Variants in CSMD1 observed in about 807,000 individuals in gnomAD.
The protein encoded by CSMD1 is CUB and Sushi multiple domains 1, also known as CUB and sushi domain-containing protein 1.
In CSMD1, 213 loss-of-function variants were observed where a neutral mutation model predicts 417.5. The ratio of observed to expected loss-of-function variants is 0.51; its 90% CI spans 0.46 to 0.57. The LOEUF is 0.57. Among genes scored for constraint, CSMD1 ranks in the 20% least tolerant of loss-of-function variants. The pLI is 0.00. For synonymous variants in CSMD1, 2,862 were observed against 1,736.8 expected (o/e 1.65, Z -16.11); for missense variants, 6,923 against 4,529.7 (o/e 1.53, Z -15.17).
chr8:3,626,517 T>A (rs888606882), intron 7 of CSMD1, among the ~76,000 whole-genome samples: 2 of 152,008 alleles, frequency 1.3e-5, no homozygotes, highest in East Asian at 3.8e-4. Context: ...TAGTTAAACA[T>A]AATGTATTTA....
At chr8:4,677,485 AT>A (rs1205491572) in intron 1 of CSMD1, among the ~76,000 whole-genome samples, 2 of 152,148 alleles carry the variant, frequency 1.3e-5, no homozygotes, top group African/African-American at 4.8e-5. Context: ...TTCTCTAATC[AT>A]TTTTATATGT....
At chr8:3,531,327 A>G (rs541497019) in intron 10 of CSMD1, among the ~76,000 whole-genome samples, 76 of 152,314 alleles carry the variant, frequency 5.0e-4, no homozygotes, top group African/African-American at 1.8e-3. Flanking sequence ...ACCTTTAACT[A>G]AAATCTTTTT....
chr8:4,517,614 C>T (rs192788026), intron 2 of CSMD1, among the ~76,000 whole-genome samples: 87 of 152,236 alleles, frequency 5.7e-4, no homozygotes, highest in South Asian at 2.1e-4. Context: ...TTAACATGCA[C>T]GAGCCTTTAA....
intron 12 of CSMD1, among the ~76,000 whole-genome samples, chr8:3,434,239 T>C (rs192388344): frequency 1.3e-3 from 201 of 152,332 alleles, no homozygotes; most frequent in Non-Finnish European, 2.5e-3. Flanking sequence ...CTCTGTAAGG[T>C]ACGACTAAAT....
chr8:2,989,808 G>C (rs1179234405), intron 54 of CSMD1, among the ~76,000 whole-genome samples: 1 of 152,190 alleles, frequency 6.6e-6, no homozygotes, highest in East Asian at 1.9e-4. Context: ...CTCTCATTCT[G>C]CAAGAACAAG....
At chr8:3,579,078 G>A (rs1004590237) in intron 9 of CSMD1, among the ~76,000 whole-genome samples, 50 of 152,170 alleles carry the variant, frequency 3.3e-4, no homozygotes, top group Non-Finnish European at 5.3e-4. Context: ...ACGACCTAAT[G>A]TACACCTGAT....
At chr8:3,384,975 T>G (rs1303251852) in intron 18 of CSMD1, among the ~76,000 whole-genome samples, 1 of 119,634 alleles carries the variant, frequency 8.4e-6, no homozygotes, top group Non-Finnish European at 1.6e-5. Flanking sequence ...TATATGCATA[T>G]ATAGCATATA....
intron 6 of CSMD1, among the ~76,000 whole-genome samples, chr8:3,741,548 C>A (rs905246016): frequency 6.6e-6 from 1 of 152,162 alleles, no homozygotes; most frequent in Non-Finnish European, 1.5e-5. Context: ...TATTTCTATC[C>A]ATTTATGATA....
intron 12 of CSMD1, among the ~76,000 whole-genome samples, chr8:3,418,738 C>T (rs35014785): frequency 0.019 from 2,852 of 152,142 alleles, 53 homozygotes; most frequent in East Asian, 0.096. Context: ...ATTGAATTTC[C>T]AAATTGGTGA....
intron 1 of CSMD1, among the ~76,000 whole-genome samples, chr8:4,941,649 G>T (rs973643076): frequency 5.3e-5 from 8 of 151,440 alleles, no homozygotes; most frequent in African/African-American, 1.2e-4. Context: ...CCCAGGCTGG[G>T]GTACAGTACC....
chr8:3,965,615 T>C (rs1812631786), intron 5 of CSMD1, among the ~76,000 whole-genome samples: 1 of 151,892 alleles, frequency 6.6e-6, no homozygotes, highest in Non-Finnish European at 1.5e-5. Context: ...TTTCTTTTTA[T>C]TTATTTATTT....
chr8:4,102,123 T>A lies in CSMD1; in HGVS notation c.416-70024A>T, dbSNP rs1243084889. 2.0e-5 allele frequency among the ~76,000 whole-genome samples: 3 copies of A among 152,188 alleles called. No individual in the cohort carries two copies. The East Asian group carries it at 5.8e-4, about 29-fold the overall frequency. ...TGCTCATTGAAACAAATAAGAAATA[T>A]ATAAAAACAAAAACAACCTCAAATC... On this transcript the variant is annotated intron_variant, in intron 3 of 69. Coordinates refer to ENST00000635120, the MANE Select transcript of CSMD1 (RefSeq NM_033225.6).
intron 2 of CSMD1, among the ~76,000 whole-genome samples, chr8:4,436,073 G>A (rs898138581): frequency 6.6e-6 from 1 of 152,094 alleles, no homozygotes; most frequent in Admixed American, 6.5e-5. Flanking sequence ...ATAATTCCAA[G>A]TTTCAAGAAT....
At chr8:3,285,963 C>A (rs565820711) in intron 25 of CSMD1, among the ~76,000 whole-genome samples, 2 of 152,058 alleles carry the variant, frequency 1.3e-5, no homozygotes, top group African/African-American at 4.8e-5. Flanking sequence ...AGATAAATTT[C>A]CTAATGCTAT....
At chr8:3,757,089 C>T (rs1163580311) in intron 5 of CSMD1, among the ~76,000 whole-genome samples, 1 of 152,154 alleles carries the variant, frequency 6.6e-6, no homozygotes, top group East Asian at 1.9e-4. Context: ...AGGCGTGAAC[C>T]ACTGTGCCAG....
chr8:3,831,105 C>G (rs1378800723), intron 5 of CSMD1, among the ~76,000 whole-genome samples: 1 of 152,086 alleles, frequency 6.6e-6, no homozygotes, highest in Non-Finnish European at 1.5e-5. Context: ...CAATACCATT[C>G]AGAATTAAAT....
intron 3 of CSMD1, among the ~76,000 whole-genome samples, chr8:4,301,594 G>C (rs1206716021): frequency 3.3e-5 from 5 of 152,164 alleles, no homozygotes; most frequent in South Asian, 2.1e-4. Flanking sequence ...TTTTTGTCAA[G>C]ATTGTATAAG....
Position 2,957,109 on chromosome 8 carries a change from A to T in CSMD1, c.9814+587T>A, listed in dbSNP as rs540481978. On this transcript the variant is annotated intron_variant, in intron 63 of 69. Transcript: ENST00000635120. ...TGAATAATTCACATACTACTCATCC[A>T]TATATTTTTTCTAATTCTCATGATT... Among the ~76,000 whole-genome samples the T allele has an allele frequency of 3.0e-4, 46 of 152,292 alleles. 1 individual carries two copies. The highest frequency in any genetic ancestry group is 6.2e-4 in the South Asian group (3 of 4,824).
chr8:3,361,955 G>C (rs972510356), intron 20 of CSMD1, among the ~76,000 whole-genome samples: 8 of 152,084 alleles, frequency 5.3e-5, no homozygotes, highest in Non-Finnish European at 8.8e-5. Context: ...ATTATACAAA[G>C]TATATTTGCA....
Sources: allele counts gnomAD v4.1 joint callset (sites outside exome capture counted in the v4.1 genomes callset), GRCh38; gene constraint gnomAD v4.1.1; transcripts MANE v1.5; gene names NCBI Gene and HGNC (gene_info 2026-07-23, HGNC 2026-07-21).